Variants in SGCD observed in about 807,000 individuals in gnomAD.
The protein encoded by SGCD is delta-sarcoglycan.
In SGCD, 18 loss-of-function variants were observed where a neutral mutation model predicts 36.6. That is an observed-to-expected ratio of 0.49 (90% CI 0.34 to 0.73). SGCD has a LOEUF of 0.73. SGCD is among the 30% of genes least tolerant of loss of function. The probability of loss-of-function intolerance (pLI) is 0.01; values close to 1 mark genes in which losing one functional copy is unlikely to be tolerated. For synonymous variants in SGCD, 133 were observed against 130.6 expected (o/e 1.02, Z -0.12); for missense variants, 387 against 346.7 (o/e 1.12, Z -0.92).
intron 4 of SGCD, among the ~76,000 whole-genome samples, chr5:156,585,539 A>G (rs1760456907): frequency 6.6e-6 from 1 of 152,198 alleles, no homozygotes; most frequent in South Asian, 2.1e-4. Context: ...ATGCATTGTG[A>G]TGACTGTGGA....
intron 2 of SGCD, among the ~76,000 whole-genome samples, chr5:156,332,569 G>A (rs555328276): frequency 5.3e-5 from 8 of 152,156 alleles, no homozygotes; most frequent in Non-Finnish European, 8.8e-5. Flanking sequence ...TCTCAAGGGT[G>A]GTGCATATTC....
intron 1 of SGCD, among the ~76,000 whole-genome samples, chr5:156,105,622 G>A (rs1474369903): frequency 6.6e-6 from 1 of 152,120 alleles, no homozygotes; most frequent in African/African-American, 2.4e-5. Context: ...TTCATGGTCA[G>A]CTTCATTACA....
intron 3 of SGCD, among the ~76,000 whole-genome samples, chr5:156,435,431 A>G (rs544388670): frequency 1.1e-4 from 17 of 152,212 alleles, no homozygotes; most frequent in African/African-American, 2.2e-4. Flanking sequence ...AAAGATGACA[A>G]TCTGTCTGTA....
chr5:156,365,486 G>A (rs1201431828), intron 3 of SGCD, among the ~76,000 whole-genome samples: 1 of 152,108 alleles, frequency 6.6e-6, no homozygotes, highest in Non-Finnish European at 1.5e-5. Context: ...TTTGTACCCT[G>A]GATGCAAAAA....
At position 156,350,247 on chromosome 5, in the gene SGCD, T is replaced by TTATATATATATATATATATATATATA. The variant is rs59107352; in HGVS notation, c.192+5587_192+5588insATATATATATATATATATATATATAT. On this transcript the variant is annotated intron_variant, in intron 3 of 8. Transcript: ENST00000337851. ...CTCTAAAGCTATTGAGGAAAAAAAA[T>TTATATATATATATATATATATATATA]TATATATATATATATATGTACACAC... is the stretch of plus-strand genomic sequence containing the variant. Among the ~76,000 whole-genome samples the TTATATATATATATATATATATATATA allele has an allele frequency of 8.0e-3, 764 of 95,474 alleles. 43 individuals are homozygous for TTATATATATATATATATATATATATA. Among genetic ancestry groups the TTATATATATATATATATATATATATA allele is most frequent in the African/African-American group, 0.021 (625 of 30,004 alleles). The allele number at this position is 95,474 out of a possible 152,430, so 62.6% of individuals were successfully genotyped here.
intron 4 of SGCD, among the ~76,000 whole-genome samples, chr5:156,517,216 T>C (rs1160231025): frequency 6.6e-6 from 1 of 151,852 alleles, no homozygotes; most frequent in African/African-American, 2.4e-5. Flanking sequence ...AATAGTGAAA[T>C]AGACTAAGTG....
intron 3 of SGCD, among the ~76,000 whole-genome samples, chr5:156,439,098 A>C (rs949309500): frequency 2.6e-5 from 4 of 152,128 alleles, no homozygotes; most frequent in Admixed American, 2.0e-4. Flanking sequence ...AAAATAAGTA[A>C]TAGCAGCTAA....
chr5:155,756,865 G>A, the SGCD span, among the ~76,000 whole-genome samples: 1 of 152,188 alleles, frequency 6.6e-6, no homozygotes, highest in Non-Finnish European at 1.5e-5. Flanking sequence ...GTGTATGGGT[G>A]ATGTCAACTA....
intron 1 of SGCD, among the ~76,000 whole-genome samples, chr5:156,040,846 C>T (rs1237128478): frequency 1.3e-5 from 2 of 152,158 alleles, no homozygotes; most frequent in Admixed American, 6.5e-5. Context: ...CTAGTGCCAT[C>T]CTGATGGAGC....
At chr5:156,448,714 AG>A in intron 3 of SGCD, among the ~76,000 whole-genome samples, 1 of 140,614 alleles carries the variant, frequency 7.1e-6, no homozygotes, top group South Asian at 2.4e-4. Flanking sequence ...GGGTGGGAGA[AG>A]TTTCTTTTTC....
intron 1 of SGCD, among the ~76,000 whole-genome samples, chr5:156,080,338 T>C (rs902775434): frequency 6.6e-6 from 1 of 152,226 alleles, no homozygotes; most frequent in Non-Finnish European, 1.5e-5. Context: ...TAGGCCTTTT[T>C]CCCATTGTCT....
intron 1 of SGCD, among the ~76,000 whole-genome samples, chr5:156,104,783 G>A (rs76515654): frequency 0.02 from 3,060 of 152,290 alleles, 45 homozygotes; most frequent in Non-Finnish European, 0.034. Context: ...TGATTGTTTT[G>A]CAGCTTGCCT....
chr5:156,419,275 A>G (rs1316755921), intron 3 of SGCD, among the ~76,000 whole-genome samples: 1 of 152,198 alleles, frequency 6.6e-6, no homozygotes, highest in Non-Finnish European at 1.5e-5. Flanking sequence ...TTATCTTAGC[A>G]AAAGAATGGG....
At chr5:156,434,344 G>A (rs533343516) in intron 3 of SGCD, among the ~76,000 whole-genome samples, 8 of 152,220 alleles carry the variant, frequency 5.3e-5, no homozygotes, top group East Asian at 1.9e-4. Context: ...ATGGCTCCCC[G>A]CACAAGCATA....
At chr5:155,918,559 T>G (rs1001920674) in intron 1 of SGCD, among the ~76,000 whole-genome samples, 1 of 152,132 alleles carries the variant, frequency 6.6e-6, no homozygotes, top group Non-Finnish European at 1.5e-5. Flanking sequence ...TGAGGCTCCA[T>G]CTCAAAAGAC....
chr5:156,443,907 A>T (rs1354522107), intron 3 of SGCD, among the ~76,000 whole-genome samples: 1 of 152,046 alleles, frequency 6.6e-6, no homozygotes, highest in African/African-American at 2.4e-5. Flanking sequence ...AAATTAGGTA[A>T]TTTTTCTAGT....
intron 7 of SGCD, among the ~76,000 whole-genome samples, chr5:156,744,788 A>T (rs1001109432): frequency 1.3e-5 from 2 of 152,220 alleles, no homozygotes; most frequent in African/African-American, 4.8e-5. Flanking sequence ...AAGTTGGCAC[A>T]TCCATAATTT....
intron 1 of SGCD, among the ~76,000 whole-genome samples, chr5:156,109,437 C>A (rs930830983): frequency 7.9e-5 from 12 of 152,032 alleles, no homozygotes; most frequent in African/African-American, 2.4e-4. Context: ...CTTTATTTTC[C>A]CTCAACCCTA....
chr5:155,756,704 C>T, the SGCD span, among the ~76,000 whole-genome samples: 17 of 152,264 alleles, frequency 1.1e-4, no homozygotes, highest in African/African-American at 3.6e-4. Context: ...AAAAACATTA[C>T]TGGTTTCTGA....
Sources: allele counts gnomAD v4.1 joint callset (sites outside exome capture counted in the v4.1 genomes callset), GRCh38; gene constraint gnomAD v4.1.1; transcripts MANE v1.5; gene names NCBI Gene and HGNC (gene_info 2026-07-23, HGNC 2026-07-21).